Variants in MYO1B observed in about 807,000 individuals in gnomAD.
MYO1B encodes the protein myosin IB.
MYO1B carries 72 observed loss-of-function variants against 159.7 expected under a neutral mutation model. The ratio of observed to expected loss-of-function variants is 0.45; its 90% CI spans 0.37 to 0.55. The LOEUF (loss-of-function observed/expected upper bound fraction) is 0.55. MYO1B is among the 20% of genes least tolerant of loss of function. MYO1B has a pLI of 0.00. For missense variants in MYO1B, 1,062 were observed against 1,364.8 expected, an observed-to-expected ratio of 0.78 and a Z score of 3.50; for synonymous variants, 468 against 473.8, an observed-to-expected ratio of 0.99 and a Z score of 0.16.
intron 5 of MYO1B, among the ~76,000 whole-genome samples, chr2:191,344,879 A>G (rs1459290704): frequency 6.6e-6 from 1 of 150,830 alleles, no homozygotes; most frequent in Admixed American, 6.6e-5. Context: ...AAGCCACTCC[A>G]CACAAAATAT....
intron 3 of MYO1B, among the ~76,000 whole-genome samples, chr2:191,296,481 A>G (rs1381606667): frequency 1.3e-5 from 2 of 152,216 alleles, no homozygotes; most frequent in Non-Finnish European, 2.9e-5. Flanking sequence ...ATTCTTTGCA[A>G]GTAGCAGCTG....
At chr2:191,365,499 G>A (rs1474396841) in intron 11 of MYO1B, among the ~76,000 whole-genome samples, 3 of 152,202 alleles carry the variant, frequency 2.0e-5, no homozygotes, top group Non-Finnish European at 2.9e-5. Flanking sequence ...TCGTTTCCTA[G>A]CTATAGCCAT....
intron 27 of MYO1B, among the ~76,000 whole-genome samples, chr2:191,412,570 G>A (rs1209088885): frequency 6.6e-6 from 1 of 152,208 alleles, no homozygotes; most frequent in Admixed American, 6.5e-5. Context: ...TATGGGAGTT[G>A]GCCTTTTATA....
chr2:191,375,501 A>T (rs1207442378), intron 13 of MYO1B, among the ~76,000 whole-genome samples: 5 of 152,104 alleles, frequency 3.3e-5, no homozygotes, highest in African/African-American at 1.2e-4. Context: ...AGATAGATAG[A>T]TAGATAGATA....
chr2:191,363,787 G>A lies in MYO1B; in HGVS notation c.825G>A (p.Val275=), dbSNP rs765646972. 1.7e-5 allele frequency: 28 copies of A among 1,613,858 alleles called. No individual in the cohort carries two copies. The Admixed American group carries it at 4.5e-4, about 26-fold the overall frequency. The part of the protein sequence containing the change: ...DHEAESVLAV[V]AAVLKLGNIE... ...AAGCTGAGTCTGTCTTGGCGGTGGT[G>A]GCAGCAGTGTTGAAACTGGGGAACA... Residue 275 remains valine (V), a synonymous_variant, in exon 10 of 31, where the codon GTG becomes GTA. Transcript: ENST00000392318.
At chr2:191,292,684 C>T (rs925784587) in intron 2 of MYO1B, among the ~76,000 whole-genome samples, 3 of 152,102 alleles carry the variant, frequency 2.0e-5, no homozygotes, top group African/African-American at 7.2e-5. Context: ...TGGCCTGAAC[C>T]AATCTTTCAG....
intron 1 of MYO1B, among the ~76,000 whole-genome samples, chr2:191,256,616 C>T (rs1308122902): frequency 3.3e-5 from 5 of 152,070 alleles, no homozygotes; most frequent in Non-Finnish European, 5.9e-5. Context: ...GATTGTGTTA[C>T]GATAATAGAT....
intron 1 of MYO1B, among the ~76,000 whole-genome samples, chr2:191,269,160 A>G (rs944050469): frequency 6.6e-6 from 1 of 151,936 alleles, no homozygotes; most frequent in Non-Finnish European, 1.5e-5. Flanking sequence ...GCACCTCCTC[A>G]TTACTCTCTC....
At position 191,344,829 on chromosome 2, in the gene MYO1B, C is replaced by CAAAA. The variant is rs10646926; in HGVS notation, c.452-1388_452-1385dup. 7.0e-3 allele frequency among the ~76,000 whole-genome samples: 389 copies of CAAAA among 55,912 alleles called. 13 individuals are homozygous for CAAAA. Among genetic ancestry groups the CAAAA allele is most frequent in the East Asian group, 0.019 (30 of 1,614 alleles). 36.7% of individuals were successfully genotyped at this position (55,912 alleles called of 152,430 possible). On this transcript the variant is annotated intron_variant, in intron 5 of 30. Transcript: ENST00000392318. ...TGGGCGACAGAGCGAGACTCCGTCT[C>CAAAA]AAAAAAAAAAAAAAAAAAAAAAGAA...
At chr2:191,313,031 G>A (rs919878281) in intron 3 of MYO1B, among the ~76,000 whole-genome samples, 3 of 152,020 alleles carry the variant, frequency 2.0e-5, no homozygotes, top group Admixed American at 2.0e-4. Flanking sequence ...TTTTTGAGTG[G>A]CAGGCCTTCC....
chr2:191,263,524 T>C (rs978122094), intron 1 of MYO1B: 1 of 161,174 alleles, frequency 6.2e-6, no homozygotes, highest in African/African-American at 2.4e-5. Context: ...TGATTTATAA[T>C]ATAATAATGT....
chr2:191,360,748 GTGGTGTTGTTGT>G lies in MYO1B; in HGVS notation c.661+22_661+33del, dbSNP rs753976344. On this transcript the variant is annotated intron_variant, in intron 8 of 30. Coordinates refer to ENST00000392318, the MANE Select transcript of MYO1B (RefSeq NM_001130158.3). ...CTCCTCAGTAAGTCTCTGTTTCTAT[GTGGTGTTGTTGT>G]TGTTGTTGTTGTTGTTGTTGTTGTT... 2.0e-5 allele frequency: 22 copies of G among 1,122,358 alleles called. No individual in the cohort carries two copies. In the African/African-American group the frequency reaches 4.7e-4, roughly 24 times the overall value. The allele number at this position is 1,122,358 out of a possible 1,614,324, so 69.5% of individuals were successfully genotyped here.
intron 3 of MYO1B, among the ~76,000 whole-genome samples, chr2:191,328,314 C>T (rs574052667): frequency 6.6e-6 from 1 of 152,334 alleles, no homozygotes; most frequent in South Asian, 2.1e-4. Flanking sequence ...TCTCTGTGAT[C>T]TACTTGGCCA....
chr2:191,371,947 T>C (rs994436591), intron 13 of MYO1B, among the ~76,000 whole-genome samples: 7 of 152,222 alleles, frequency 4.6e-5, no homozygotes, highest in African/African-American at 1.4e-4. Context: ...AGGGAAGAAT[T>C]TGAGGTTTCT....
intron 13 of MYO1B, chr2:191,381,200 G>A: frequency 2.1e-6 from 1 of 477,202 alleles, no homozygotes; most frequent in Admixed American, 3.3e-5. Context: ...TTTTCTGTTT[G>A]GGGTGCTTCT....
Position 191,419,938 on chromosome 2 carries a change from C to T in MYO1B, c.3287+3696C>T, listed in dbSNP as rs117851402. Among the ~76,000 whole-genome samples the T allele has an allele frequency of 7.5e-4, 114 of 152,258 alleles. 1 individual carries two copies. In the East Asian group the frequency reaches 0.019, roughly 25 times the overall value. ...AAAAACAGCCGGGCCCAGTGGCTCACGCCTGTAATCTTGGCACTTTGGGAG... is the reference window on the plus strand; with the variant it reads ...AAAAACAGCCGGGCCCAGTGGCTCATGCCTGTAATCTTGGCACTTTGGGAG... On this transcript the variant is annotated intron_variant, in intron 30 of 30. Transcript: ENST00000392318.
At chr2:191,317,162 G>T (rs1016079155) in intron 3 of MYO1B, among the ~76,000 whole-genome samples, 2 of 152,120 alleles carry the variant, frequency 1.3e-5, no homozygotes, top group African/African-American at 4.8e-5. Flanking sequence ...GTGCAGCGTC[G>T]TTTTTATTTT....
rs139352098 is a variant in MYO1B, at chr2:191,415,582, G to GTT, written c.3160-523_3160-522dup. ...TTCTCAGAGGGGGCACAAGCATCATGTTTTTTTTTTTGTTTTGTTTTGTTT... is the reference window on the plus strand; with the variant it reads ...TTCTCAGAGGGGGCACAAGCATCATGTTTTTTTTTTTTTGTTTTGTTTTGTTT... On this transcript the variant is annotated intron_variant, in intron 29 of 30. Coordinates refer to ENST00000392318, the MANE Select transcript of MYO1B (RefSeq NM_001130158.3). Among the ~76,000 whole-genome samples the GTT allele has an allele frequency of 8.6e-3, 1,235 of 144,388 alleles. 19 individuals carry two copies. The highest frequency in any genetic ancestry group is 0.029 in the African/African-American group (1,179 of 40,046). 94.7% of individuals were successfully genotyped at this position (144,388 alleles called of 152,430 possible).
chr2:191,350,363 A>G, intron 7 of MYO1B, 138 bp downstream of exon 7: 1 of 551,870 alleles, frequency 1.8e-6, no homozygotes, highest in South Asian at 3.0e-5. Flanking sequence ...TAAGCTTTGC[A>G]TTTCAGATTG....
Sources: gnomAD v4.1 joint callset for allele counts (sites outside exome capture counted in the v4.1 genomes callset) on GRCh38, gnomAD v4.1.1 for gene constraint, MANE v1.5 for transcripts, NCBI Gene and HGNC (gene_info 2026-07-23, HGNC 2026-07-21) for gene names.